Variants in CHN2 observed in about 807,000 individuals in gnomAD.
CHN2 encodes the protein beta-chimaerin.
In CHN2, 35 loss-of-function variants were observed where a neutral mutation model predicts 56.3. The ratio of observed to expected loss-of-function variants is 0.62; its 90% confidence interval spans 0.47 to 0.82. CHN2 has a LOEUF of 0.82. Ranked by LOEUF, CHN2 falls within the 40% of genes least tolerant of loss-of-function variation. The pLI is 0.00. For synonymous variants in CHN2, 210 were observed against 212.8 expected (o/e 0.99, Z 0.12); for missense variants, 491 against 580.5 (o/e 0.85, Z 1.58).
At chr7:29,380,942 C>CAG (rs1331985191) in intron 3 of CHN2, 1 of 152,036 alleles carries the variant, frequency 6.6e-6, no homozygotes, top group African/African-American at 2.4e-5. Flanking sequence ...TCTAGTGGCA[C>CAG]AGAGATGGCT....
chr7:29,354,940 T>TTTTGTTTA (rs147269443), intron 2 of CHN2, among the ~76,000 whole-genome samples: 6 of 142,012 alleles, frequency 4.2e-5, no homozygotes, highest in Admixed American at 3.5e-4. Context: ...GGGGCTTTAT[T>TTTTGTTTA]TTTATTTATT....
At chr7:29,503,305 G>A (rs1583428185) in intron 9 of CHN2, among the ~76,000 whole-genome samples, 1 of 152,302 alleles carries the variant, frequency 6.6e-6, no homozygotes, top group African/African-American at 2.4e-5. Context: ...GGCCATCTAT[G>A]AGCCAGAAAG....
chr7:29,155,920 G>A (rs1367614589), intron 2 of CHN2, among the ~76,000 whole-genome samples: 2 of 152,206 alleles, frequency 1.3e-5, no homozygotes, highest in Non-Finnish European at 2.9e-5. Context: ...AATAGGCCCT[G>A]AGCCGATAGA....
At position 29,400,719 on chromosome 7, in the gene CHN2, T is replaced by C; in HGVS notation, c.467T>C (p.Ile156Thr). ...KMTTNPIYEH[I>T]GYATLLREKV... ...ACAACTAACCCCATCTATGAACACA[T>C]TGGATATGCCACCCTACTCAGAGAA... is the stretch of plus-strand genomic sequence containing the variant. Residue 156 changes from isoleucine (I) to threonine (T), a missense_variant, in exon 6 of 13, where the codon ATT becomes ACT. Transcript: ENST00000222792. 1 of 1,614,088 alleles carries C rather than the reference T, an allele frequency of 6.2e-7. No homozygotes were observed. The highest frequency in any genetic ancestry group is 8.5e-7 in the Non-Finnish European group (1 of 1,179,990).
chr7:29,172,074 T>C (rs1386606777), intron 2 of CHN2, among the ~76,000 whole-genome samples: 1 of 152,170 alleles, frequency 6.6e-6, no homozygotes, highest in Admixed American at 6.5e-5. Flanking sequence ...AAATCAGATG[T>C]AGGGTCAGCA....
Position 29,358,809 on chromosome 7 carries a change from G to C in CHN2, c.88+4146G>C, listed in dbSNP as rs188796200. 2.0e-4 allele frequency among the ~76,000 whole-genome samples: 31 copies of C among 152,288 alleles called. No homozygotes were observed. The East Asian group carries it at 5.6e-3, about 28-fold the overall frequency. On this transcript the variant is annotated intron_variant, in intron 2 of 12. Coordinates refer to ENST00000222792, the MANE Select transcript of CHN2 (RefSeq NM_004067.4). ...CGGTTTCTACGTTTTATTCTTGGCT[G>C]CAAGCAACAGAATACTACTCTCAAT...
intron 3 of CHN2, among the ~76,000 whole-genome samples, chr7:29,383,245 T>C (rs1000949558): frequency 2.0e-5 from 3 of 152,136 alleles, no homozygotes; most frequent in African/African-American, 7.2e-5. Context: ...TGTGTGTGTG[T>C]GCGTATGTGT....
intron 1 of CHN2, among the ~76,000 whole-genome samples, chr7:29,343,725 G>A (rs1797219580): frequency 6.6e-6 from 1 of 151,990 alleles, no homozygotes; most frequent in Non-Finnish European, 1.5e-5. Flanking sequence ...CTTCAGTGCT[G>A]GTGCTCCTCA....
chr7:29,169,930 G>A (rs773597395), intron 2 of CHN2, among the ~76,000 whole-genome samples: 28 of 151,870 alleles, frequency 1.8e-4, no homozygotes, highest in Non-Finnish European at 3.2e-4. Context: ...AGGCTGGGGT[G>A]CAGTGGCGCC....
chr7:29,260,738 C>T (rs1789472137), intron 1 of CHN2, among the ~76,000 whole-genome samples: 1 of 152,166 alleles, frequency 6.6e-6, no homozygotes, highest in Non-Finnish European at 1.5e-5. Context: ...ATATTTTATT[C>T]AGCAGTGTGA....
intron 1 of CHN2, among the ~76,000 whole-genome samples, chr7:29,232,057 A>T (rs748341721): frequency 6.6e-6 from 1 of 152,198 alleles, no homozygotes; most frequent in Non-Finnish European, 1.5e-5. Context: ...TGATTGTGTT[A>T]GGAGCAGAAA....
intron 1 of CHN2, among the ~76,000 whole-genome samples, chr7:29,216,996 T>C (rs1176061908): frequency 6.6e-6 from 1 of 152,210 alleles, no homozygotes; most frequent in Non-Finnish European, 1.5e-5. Flanking sequence ...ACAGTACTTA[T>C]TAGGAGGAAA....
At chr7:29,191,958 G>GA (rs1477609045), upstream of CHN2, 1 of 152,196 alleles carries the variant, frequency 6.6e-6, no homozygotes, top group Non-Finnish European at 1.5e-5. Context: ...TCAGGCTCCT[G>GA]AATCTAAGAA....
intron 6 of CHN2, among the ~76,000 whole-genome samples, chr7:29,459,649 C>CCATTG (rs1360153087): frequency 6.6e-6 from 1 of 152,152 alleles, no homozygotes; most frequent in African/African-American, 2.4e-5. Flanking sequence ...ACAGAGCAGC[C>CCATTG]CATAGCAGCA....
chr7:29,415,020 C>T (rs755587062), intron 6 of CHN2, among the ~76,000 whole-genome samples: 2 of 152,184 alleles, frequency 1.3e-5, no homozygotes, highest in African/African-American at 2.4e-5. Flanking sequence ...ACCCCACCGG[C>T]GTGTTCTTTC....
At chr7:29,411,823 G>A (rs1286328664) in intron 6 of CHN2, among the ~76,000 whole-genome samples, 2 of 152,148 alleles carry the variant, frequency 1.3e-5, no homozygotes, top group Non-Finnish European at 2.9e-5. Flanking sequence ...GCTTCTCGCG[G>A]AGCTGCCCTT....
chr7:29,381,675 G>A (rs78162989), intron 3 of CHN2, among the ~76,000 whole-genome samples: 1 of 152,028 alleles, frequency 6.6e-6, no homozygotes, highest in Non-Finnish European at 1.5e-5. Flanking sequence ...AGTCCTGGGT[G>A]TGAGTCAGAA....
At chr7:29,435,912 T>G (rs1220323423) in intron 6 of CHN2, among the ~76,000 whole-genome samples, 18 of 149,338 alleles carry the variant, frequency 1.2e-4, no homozygotes, top group African/African-American at 4.6e-4. Flanking sequence ...TTTTTTTTCT[T>G]TTTTCATGTT....
chr7:29,255,990 CT>C (rs1562869216), intron 1 of CHN2, among the ~76,000 whole-genome samples: 1 of 152,212 alleles, frequency 6.6e-6, no homozygotes, highest in East Asian at 1.9e-4. Flanking sequence ...TCCAATTTAC[CT>C]TTCCTTTGGT....
Sources: gnomAD v4.1 joint callset for allele counts (sites outside exome capture counted in the v4.1 genomes callset) on GRCh38, gnomAD v4.1.1 for gene constraint, MANE v1.5 for transcripts, NCBI Gene and HGNC (gene_info 2026-07-23, HGNC 2026-07-21) for gene names.